COL5A1: variants seen among roughly 807,000 people sequenced by gnomAD.
COL5A1 encodes collagen type V alpha 1 chain.
Under a neutral mutation model 263.7 loss-of-function variants are expected in COL5A1, and 16 were observed. The ratio of observed to expected loss-of-function variants is 0.06; its 90% CI spans 0.04 to 0.09. The LOEUF (loss-of-function observed/expected upper bound fraction) is 0.09, where lower values mean the gene tolerates loss of function less well. Among genes scored for constraint, COL5A1 ranks in the 10% least tolerant of loss-of-function variants. The pLI is 1.00. For missense variants in COL5A1, 2,036 were observed against 2,540.5 expected (o/e 0.80, Z 4.27); for synonymous variants, 1,012 against 1,004.5 (o/e 1.01, Z -0.14).
chr9:134,788,468 G>A lies in COL5A1; in HGVS notation c.2647-687G>A, dbSNP rs559225730. On this transcript the variant is annotated intron_variant, in intron 31 of 65. Coordinates refer to ENST00000371817, the MANE Select transcript of COL5A1 (RefSeq NM_000093.5). Reference sequence around the variant, plus strand: ...GGTAGGCAGGTAGATGTATACATAGGTAGGCCAGTGGGTGGATAGGTGGGT... The same window carrying A: ...GGTAGGCAGGTAGATGTATACATAGATAGGCCAGTGGGTGGATAGGTGGGT... Among the ~76,000 whole-genome samples, 311 of 148,314 alleles carry A rather than the reference G, an allele frequency of 2.1e-3. 1 individual carries two copies. The highest frequency in any genetic ancestry group is 7.3e-3 in the Admixed American group (109 of 14,898).
intron 64 of COL5A1, among the ~76,000 whole-genome samples, chr9:134,833,517 C>T (rs922981301): frequency 1.4e-4 from 21 of 152,322 alleles, no homozygotes; most frequent in African/African-American, 4.1e-4. Flanking sequence ...GGAGCCACTC[C>T]TGTCTCAGGA....
chr9:134,814,117 T>C (rs901807969), intron 49 of COL5A1, 81 bp downstream of exon 49: 13 of 1,402,864 alleles, frequency 9.3e-6, no homozygotes, highest in Non-Finnish European at 1.3e-5. Flanking sequence ...AGGCTCTGGC[T>C]CTGCCTTAGC....
intron 62 of COL5A1, 90 bp downstream of exon 62, chr9:134,824,945 A>T: frequency 2.0e-6 from 3 of 1,497,066 alleles, no homozygotes; most frequent in Non-Finnish European, 2.7e-6. Context: ...TCAGCCAGGC[A>T]CAGCGGAAGG....
intron 1 of COL5A1, among the ~76,000 whole-genome samples, chr9:134,684,966 T>C (rs984100113): frequency 1.5e-4 from 20 of 129,926 alleles, no homozygotes; most frequent in African/African-American, 5.9e-4. Flanking sequence ...CCATCCACCA[T>C]CCATCCATTA....
chr9:134,682,856 C>T lies in COL5A1; in HGVS notation c.110-8056C>T, dbSNP rs895506842. On this transcript the variant is annotated intron_variant, in intron 1 of 65. Transcript: ENST00000371817. This position sits in a 1 kb window ranked among gnomAD's most constrained non-coding sequence, Gnocchi z 5.1. ...GCCCAGCCTTTGGGAGCGGGGACTG[C>T]GGCCAGCACATCATCCGGTGGGGAC... 2.0e-5 allele frequency among the ~76,000 whole-genome samples: 3 copies of T among 152,014 alleles called. No homozygotes were observed. Among genetic ancestry groups the T allele is most frequent in the African/African-American group, 7.3e-5 (3 of 41,376 alleles).
At chr9:134,649,565 T>G (rs1430901519) in intron 1 of COL5A1, 1 of 448,702 alleles carries the variant, frequency 2.2e-6, no homozygotes, top group Non-Finnish European at 4.5e-6. Context: ...CAATAGGGTT[T>G]CTGGTGGCCT....
intron 65 of COL5A1, among the ~76,000 whole-genome samples, chr9:134,839,242 T>C (rs1336985862): frequency 6.6e-6 from 1 of 152,196 alleles, no homozygotes; most frequent in Non-Finnish European, 1.5e-5. Context: ...GCATAAATCC[T>C]GGTGTTTGTG....
intron 4 of COL5A1, among the ~76,000 whole-genome samples, chr9:134,725,969 G>T (rs1029984568): frequency 5.3e-5 from 8 of 152,164 alleles, no homozygotes; most frequent in African/African-American, 1.9e-4. Context: ...GAACTGATTT[G>T]GGTGAATTGT....
In COL5A1 at chr9:134,824,486, T is replaced by C. The variant is rs554526985; in HGVS notation, c.4699-114T>C. ...GGACAGATGTCCATGTAGCCCAGGT[T>C]GCCAGGCCCCAGGGAACCCCTGCAG... On this transcript the variant is annotated intron_variant, in intron 61 of 65. Coordinates refer to ENST00000371817, the MANE Select transcript of COL5A1 (RefSeq NM_000093.5). 1.0e-5 allele frequency: 14 copies of C among 1,344,936 alleles called. No individual in the cohort carries two copies. In the South Asian group the frequency reaches 1.8e-4, roughly 18 times the overall value. 83.3% of individuals were successfully genotyped at this position (1,344,936 alleles called of 1,614,324 possible).
At chr9:134,782,646 A>G in intron 28 of COL5A1, 21 bp from the exon 29 acceptor site, 2 of 1,613,132 alleles carry the variant, frequency 1.2e-6, no homozygotes, top group Middle Eastern at 1.7e-4. Flanking sequence ...AGACTAGGGC[A>G]CTCTCTTGTC....
rs1363961996 is a variant in COL5A1, at chr9:134,754,006, A to C, written c.1773+103A>C. The C allele has an allele frequency of 1.8e-6, 2 of 1,105,150 alleles. No individual in the cohort carries two copies. Among genetic ancestry groups the C allele is most frequent in the African/African-American group, 3.1e-5 (2 of 65,128 alleles). The allele number at this position is 1,105,150 out of a possible 1,614,324, so 68.5% of individuals were successfully genotyped here. On this transcript the variant is annotated intron_variant, in intron 15 of 65. Transcript: ENST00000371817. The surrounding 1 kb of genome is among the most constrained non-coding windows in gnomAD (Gnocchi z 4.3). The stretch of plus-strand genomic sequence containing the variant: ...CCCCAACTGCTGCATGTTTTCAAGG[A>C]AATTCGTGGGAATTGTCCTTGCTTT...
chr9:134,715,582 G>A (rs1370873414), intron 4 of COL5A1, among the ~76,000 whole-genome samples: 3 of 152,212 alleles, frequency 2.0e-5, no homozygotes, highest in Non-Finnish European at 2.9e-5. Context: ...CTAGGCAGAG[G>A]TCCCCGCGGC....
intron 25 of COL5A1, among the ~76,000 whole-genome samples, chr9:134,771,585 T>C (rs1192414418): frequency 1.3e-5 from 2 of 152,230 alleles, no homozygotes; most frequent in Non-Finnish European, 2.9e-5. Flanking sequence ...TAATAAAAAC[T>C]TAAAAGTCAC....
intron 26 of COL5A1, among the ~76,000 whole-genome samples, 163 bp downstream of exon 26, chr9:134,772,997 G>A (rs1359832974): frequency 6.6e-6 from 1 of 152,036 alleles, no homozygotes; most frequent in African/African-American, 2.4e-5. Context: ...GCCTGGGGGG[G>A]ACACAGGCCT....
At position 134,802,834 on chromosome 9, in the gene COL5A1, A is replaced by G. The variant is rs897031483; in HGVS notation, c.3007-54A>G. 10 of 1,297,442 alleles carry G rather than the reference A, an allele frequency of 7.7e-6. No individual in the cohort carries two copies. The African/African-American group carries it at 1.5e-4, about 19-fold the overall frequency. The allele number at this position is 1,297,442 out of a possible 1,614,324, so 80.4% of individuals were successfully genotyped here. On this transcript the variant is annotated intron_variant, in intron 38 of 65. Transcript: ENST00000371817. ...TCCTTAGATTTAGGAAGAGATTCTC[A>G]CTCCCTTGCAAGTCACTCGAAACGT...
At chr9:134,656,136 C>T (rs1006321163) in intron 1 of COL5A1, among the ~76,000 whole-genome samples, 1 of 152,178 alleles carries the variant, frequency 6.6e-6, no homozygotes, top group Non-Finnish European at 1.5e-5. Context: ...GCCCCGGGGC[C>T]CCACCTTGCA....
chr9:134,827,626 G>A (rs1260391279), intron 63 of COL5A1, among the ~76,000 whole-genome samples: 1 of 152,204 alleles, frequency 6.6e-6, no homozygotes, highest in African/African-American at 2.4e-5. Context: ...CGCGGCTGGT[G>A]TTCACGGCAC....
intron 31 of COL5A1, among the ~76,000 whole-genome samples, chr9:134,786,506 T>C (rs1837464665): frequency 6.6e-6 from 1 of 152,248 alleles, no homozygotes; most frequent in Non-Finnish European, 1.5e-5. Context: ...GTTGCTTGGC[T>C]GGTGGCCCTT....
intron 1 of COL5A1, among the ~76,000 whole-genome samples, chr9:134,690,688 C>G (rs1438770877): frequency 6.6e-6 from 1 of 152,100 alleles, no homozygotes; most frequent in Non-Finnish European, 1.5e-5. Context: ...CTGGGTCTGC[C>G]CCCGGTATGT....
Sources: gnomAD v4.1 joint callset for allele counts (sites outside exome capture counted in the v4.1 genomes callset) on GRCh38, gnomAD v4.1.1 for gene constraint, Gnocchi (gnomAD v3.1) non-coding constraint, MANE v1.5 for transcripts, NCBI Gene and HGNC (gene_info 2026-07-23, HGNC 2026-07-21) for gene names.